Variants in SLC29A3 observed in about 807,000 individuals in gnomAD.
SLC29A3 encodes the protein equilibrative nucleoside transporter 3.
Under a neutral mutation model 25.4 loss-of-function variants are expected in SLC29A3, and 18 were observed. The ratio of observed to expected loss-of-function variants is 0.71; its 90% CI spans 0.49 to 1.05. The LOEUF is 1.05. Ranked by LOEUF, SLC29A3 falls within the 50% of genes least tolerant of loss-of-function variation. The pLI is 0.00. For missense variants in SLC29A3, 586 were observed against 609.0 expected (o/e 0.96, Z 0.40); for synonymous variants, 258 against 267.1 (o/e 0.97, Z 0.33).
chr10:71,323,203 T>C lies in SLC29A3; in HGVS notation c.300+149T>C, dbSNP rs1281120236. The C allele has an allele frequency of 2.7e-6, 3 of 1,092,070 alleles. No homozygotes were observed. The African/African-American group carries it at 4.7e-5, about 17-fold the overall frequency. The allele number at this position is 1,092,070 out of a possible 1,614,324, so 67.6% of individuals were successfully genotyped here. A position where few individuals can be genotyped will look rare whatever the true frequency, so the allele number is the denominator to read the frequency against. ...GAAGAAGATGCAAATTATGGTTCCA[T>C]GTGGTGTGTATGGTAAACCCATAAA... On this transcript the variant is annotated intron_variant, in intron 2 of 5. Transcript: ENST00000373189.
chr10:71,323,087 G>A (rs756977557), intron 2 of SLC29A3, 33 bp downstream of exon 2: 2 of 1,610,836 alleles, frequency 1.2e-6, no homozygotes, highest in Non-Finnish European at 1.7e-6. Context: ...AGGCTGGTGG[G>A]AGCATACAGA....
chr10:71,335,131 T>C (rs561816170), intron 2 of SLC29A3, among the ~76,000 whole-genome samples: 28 of 152,240 alleles, frequency 1.8e-4, no homozygotes, highest in Admixed American at 1.7e-3. Flanking sequence ...AATTAACCAC[T>C]GCTACCTGCT....
downstream of SLC29A3, chr10:71,363,408 G>A (rs555739245): frequency 2.2e-6 from 1 of 446,114 alleles, no homozygotes; most frequent in East Asian, 7.0e-5. Flanking sequence ...TGATGTCTCT[G>A]TTAGAGTCTT....
At chr10:71,339,433 C>G (rs538043988) in intron 2 of SLC29A3, among the ~76,000 whole-genome samples, 6 of 152,330 alleles carry the variant, frequency 3.9e-5, no homozygotes, top group African/African-American at 1.4e-4. Flanking sequence ...ATCTCACATT[C>G]AGGGAGCACA....
chr10:71,331,203 G>A (rs940989079), intron 2 of SLC29A3, among the ~76,000 whole-genome samples: 17 of 152,198 alleles, frequency 1.1e-4, no homozygotes, highest in South Asian at 4.1e-4. Context: ...CAGTGGCAGT[G>A]CTGGTTGTAA....
chr10:71,360,683 A>G (rs1847032850), intron 5 of SLC29A3, among the ~76,000 whole-genome samples: 1 of 152,246 alleles, frequency 6.6e-6, no homozygotes, highest in Admixed American at 6.5e-5. Context: ...TTCCTCTTCT[A>G]GAAATCTGCC....
intron 2 of SLC29A3, among the ~76,000 whole-genome samples, chr10:71,325,412 G>A (rs144695062): frequency 6.6e-6 from 1 of 152,142 alleles, no homozygotes; most frequent in Admixed American, 6.5e-5. Context: ...TTATGTCATC[G>A]GCACATTACC....
chr10:71,350,746 G>A (rs1248260784), intron 3 of SLC29A3, among the ~76,000 whole-genome samples: 1 of 152,108 alleles, frequency 6.6e-6, no homozygotes, highest in Admixed American at 6.6e-5. Context: ...CCACTTCTGT[G>A]CCATCCATAT....
chr10:71,339,598 A>G (rs1204856803), intron 2 of SLC29A3, among the ~76,000 whole-genome samples: 3 of 152,066 alleles, frequency 2.0e-5, no homozygotes, highest in Non-Finnish European at 4.4e-5. Context: ...TGGACAACAC[A>G]GTGTGGTTTG....
chr10:71,347,753 A>G (rs1202672198), intron 3 of SLC29A3, among the ~76,000 whole-genome samples: 2 of 152,174 alleles, frequency 1.3e-5, no homozygotes, highest in Admixed American at 6.5e-5. Flanking sequence ...GGGACAGAGC[A>G]GCGTTCCACA....
chr10:71,321,750 G>A (rs1400215504), intron 1 of SLC29A3, among the ~76,000 whole-genome samples: 1 of 152,260 alleles, frequency 6.6e-6, no homozygotes, highest in African/African-American at 2.4e-5. Context: ...AGGCCATGTA[G>A]GCAATAGTTG....
chr10:71,362,552 T>A lies in SLC29A3; in HGVS notation c.1372T>A (p.Cys458Ser). The A allele has an allele frequency of 6.2e-7, 1 of 1,614,166 alleles. No individual in the cohort carries two copies. The highest frequency in any genetic ancestry group is 8.5e-7 in the Non-Finnish European group (1 of 1,180,036). The change falls in exon 6 of 6, where the codon TGC becomes AGC. Residue 458 changes from cysteine (C) to serine (S), a missense_variant. Transcript: ENST00000373189. ...ATGVVMSFYVCLGLTLGSACS... is the reference protein window; with the variant it reads ...ATGVVMSFYVSLGLTLGSACS... Reference sequence around the variant, plus strand: ...GGGAGTGGTGATGTCCTTTTATGTGTGCTTGGGCTTAACACTGGGCTCAGC... The same window carrying A: ...GGGAGTGGTGATGTCCTTTTATGTGAGCTTGGGCTTAACACTGGGCTCAGC...
At chr10:71,341,953 C>T (rs148634274) in intron 2 of SLC29A3, among the ~76,000 whole-genome samples, 3 of 152,254 alleles carry the variant, frequency 2.0e-5, no homozygotes, top group Non-Finnish European at 4.4e-5. Flanking sequence ...TAGGGTTCCC[C>T]AACATGGCCA....
chr10:71,362,679 G>A lies in SLC29A3; in HGVS notation c.*71G>A, dbSNP rs1437085966. On this transcript the variant is annotated 3_prime_UTR_variant, in exon 6 of 6. Transcript: ENST00000373189. ...AGAAGAGAGTGCAGGAGGGCTGGGG[G>A]CCATGGAGGAAAGGCCTAAAGTTTC... is the stretch of plus-strand genomic sequence containing the variant. The A allele has an allele frequency of 6.3e-7, 1 of 1,599,864 alleles. No individual in the cohort carries two copies. The highest frequency in any genetic ancestry group is 1.1e-5 in the South Asian group (1 of 89,946).
Position 71,319,281 on chromosome 10 carries a change from A to G in SLC29A3, c.-29A>G, listed in dbSNP as rs953133133. On this transcript the variant is annotated 5_prime_UTR_variant, in exon 1 of 6. Coordinates refer to ENST00000373189, the MANE Select transcript of SLC29A3 (RefSeq NM_018344.6). ...CCCAGTGGTCCTGGCCGTGCGCCGG[A>G]GGCAGCGGCGGCGTGGCGCAGCGGC... The G allele has an allele frequency of 9.6e-6, 6 of 626,902 alleles. No homozygotes were observed. The highest frequency in any genetic ancestry group is 3.4e-5 in the East Asian group (1 of 29,688). The allele number at this position is 626,902 out of a possible 1,614,324, so 38.8% of individuals were successfully genotyped here.
intron 2 of SLC29A3, among the ~76,000 whole-genome samples, chr10:71,342,716 G>A (rs1846443379): frequency 6.6e-6 from 1 of 152,228 alleles, no homozygotes. Flanking sequence ...CAGCCACTGT[G>A]TCAAGATGTA....
intron 2 of SLC29A3, among the ~76,000 whole-genome samples, chr10:71,340,119 C>T (rs1335041274): frequency 6.6e-6 from 1 of 152,250 alleles, no homozygotes; most frequent in Non-Finnish European, 1.5e-5. Context: ...GCCCAGGGCC[C>T]TCCTGCTGGG....
downstream of SLC29A3, chr10:71,364,545 G>T (rs1210667705): frequency 1.3e-5 from 2 of 152,230 alleles, no homozygotes; most frequent in African/African-American, 4.8e-5. Flanking sequence ...TCTCTCTCAA[G>T]AGTCCTGCAG....
Position 71,339,165 on chromosome 10 carries a change from C to T in SLC29A3, c.301-5044C>T, listed in dbSNP as rs545446219. Among the ~76,000 whole-genome samples, 25 of 152,320 alleles carry T rather than the reference C, an allele frequency of 1.6e-4. No individual in the cohort carries two copies. The East Asian group carries it at 2.5e-3, about 15-fold the overall frequency. On this transcript the variant is annotated intron_variant, in intron 2 of 5. Coordinates refer to ENST00000373189, the MANE Select transcript of SLC29A3 (RefSeq NM_018344.6). The stretch of plus-strand genomic sequence containing the variant: ...AGGCTGCTTATCTGTAAAATGAGAG[C>T]GATTCCAGCCCTGCCTCGCCCTCAC...
Sources: gnomAD v4.1 joint callset for allele counts (sites outside exome capture counted in the v4.1 genomes callset) on GRCh38, gnomAD v4.1.1 for gene constraint, MANE v1.5 for transcripts, NCBI Gene and HGNC (gene_info 2026-07-23, HGNC 2026-07-21) for gene names.